The following FRMD5 variants were observed in gnomAD, a reference collection of about 807,000 sequenced individuals.
FRMD5 encodes FERM domain-containing protein 5.
Under a neutral mutation model 69.0 loss-of-function variants are expected in FRMD5, and 20 were observed. The observed-to-expected ratio is 0.29, with a 90% CI of 0.20 to 0.42. The LOEUF (loss-of-function observed/expected upper bound fraction) is 0.42, where lower values mean the gene tolerates loss of function less well. FRMD5 is among the 10% of genes least tolerant of loss of function. The probability of loss-of-function intolerance (pLI) is 1.00; values close to 1 mark genes in which losing one functional copy is unlikely to be tolerated. For synonymous variants in FRMD5, 271 were observed against 260.1 expected (o/e 1.04, Z -0.40); for missense variants, 595 against 708.6 (o/e 0.84, Z 1.82).
intron 1 of FRMD5, among the ~76,000 whole-genome samples, chr15:44,026,732 G>A (rs1189935340): frequency 6.6e-6 from 1 of 152,084 alleles, no homozygotes; most frequent in Non-Finnish European, 1.5e-5. Flanking sequence ...ATATCAGCAG[G>A]GAAATTCCAA....
intron 1 of FRMD5, among the ~76,000 whole-genome samples, chr15:44,034,685 A>C (rs999409693): frequency 7.9e-5 from 12 of 152,064 alleles, no homozygotes; most frequent in African/African-American, 2.7e-4. Context: ...CTGTGCCCCA[A>C]CCTCCAAGTT....
At chr15:44,112,314 T>C (rs2076808292) in intron 1 of FRMD5, among the ~76,000 whole-genome samples, 1 of 152,244 alleles carries the variant, frequency 6.6e-6, no homozygotes, top group African/African-American at 2.4e-5. Context: ...GAAATCATTT[T>C]AAGAGAATAA....
At chr15:44,176,731 A>G (rs990765734) in intron 1 of FRMD5, among the ~76,000 whole-genome samples, 8 of 152,120 alleles carry the variant, frequency 5.3e-5, no homozygotes, top group African/African-American at 1.4e-4. Context: ...TTGAATAGAC[A>G]TTTCTCCCAA....
intron 1 of FRMD5, among the ~76,000 whole-genome samples, chr15:44,100,378 A>AG (rs1201533415): frequency 1.3e-5 from 2 of 151,842 alleles, no homozygotes; most frequent in African/African-American, 4.8e-5. Flanking sequence ...TCTTAATCAC[A>AG]GTTTTGCATC....
Position 44,033,438 on chromosome 15 carries a change from C to T in FRMD5, c.103-109129G>A, listed in dbSNP as rs563361925. 5.3e-5 allele frequency among the ~76,000 whole-genome samples: 8 copies of T among 152,212 alleles called. No individual in the cohort carries two copies. In the East Asian group the frequency reaches 1.5e-3, roughly 29 times the overall value. Reference sequence around the variant, plus strand: ...TTCAAACTGATAAGAGGCAAATTCTCTTTTAAGAGGCATTTCAATAAATAT... The same window carrying T: ...TTCAAACTGATAAGAGGCAAATTCTTTTTTAAGAGGCATTTCAATAAATAT... On this transcript the variant is annotated intron_variant, in intron 1 of 13. Coordinates refer to ENST00000417257, the MANE Select transcript of FRMD5 (RefSeq NM_032892.5).
intron 1 of FRMD5, among the ~76,000 whole-genome samples, chr15:44,040,992 C>CAAAAAAAAAAAAAAAAAAAAAAA (rs71421819): frequency 5.7e-5 from 1 of 17,466 alleles, no homozygotes; most frequent in African/African-American, 1.7e-4. Flanking sequence ...AAATGGAAAG[C>CAAAAAAAAAAAAAAAAAAAAAAA]AAAAAAAAAA....
chr15:44,024,219 A>ATT (rs560729463), intron 1 of FRMD5, among the ~76,000 whole-genome samples: 1 of 147,140 alleles, frequency 6.8e-6, no homozygotes, highest in Non-Finnish European at 1.5e-5. Flanking sequence ...ACTCCCTATG[A>ATT]TTTTTTTTTT....
chr15:43,932,509 G>C (rs1030607099), intron 1 of FRMD5, among the ~76,000 whole-genome samples: 2 of 152,050 alleles, frequency 1.3e-5, no homozygotes, highest in African/African-American at 4.8e-5. Context: ...TCTGTGACAG[G>C]CTCCTGACAT....
intron 1 of FRMD5, among the ~76,000 whole-genome samples, chr15:44,085,410 C>T (rs1266492347): frequency 1.3e-5 from 2 of 152,010 alleles, no homozygotes; most frequent in African/African-American, 4.8e-5. Context: ...ATATAGCAAA[C>T]ATTTTTTAAA....
At chr15:44,010,766 A>T (rs549544053) in intron 1 of FRMD5, among the ~76,000 whole-genome samples, 4 of 152,346 alleles carry the variant, frequency 2.6e-5, no homozygotes, top group Admixed American at 6.5e-5. Flanking sequence ...GAAAACAGAA[A>T]GGAAGTTAAA....
chr15:44,092,056 G>A (rs1419008565), intron 1 of FRMD5, among the ~76,000 whole-genome samples: 1 of 152,078 alleles, frequency 6.6e-6, no homozygotes, highest in African/African-American at 2.4e-5. Context: ...AAAAAGCAAG[G>A]GGAATAACTG....
intron 1 of FRMD5, among the ~76,000 whole-genome samples, chr15:43,961,988 C>G (rs542611713): frequency 2.6e-5 from 4 of 152,300 alleles, no homozygotes; most frequent in South Asian, 4.1e-4. Flanking sequence ...CCTTTGAAAA[C>G]TGGCATAAGA....
intron 1 of FRMD5, among the ~76,000 whole-genome samples, chr15:44,096,896 T>C (rs754099401): frequency 9.2e-5 from 14 of 152,094 alleles, no homozygotes; most frequent in Non-Finnish European, 1.9e-4. Flanking sequence ...AAGGAGACAG[T>C]GATAAGCAGG....
At chr15:44,028,430 C>T (rs141082066) in intron 1 of FRMD5, among the ~76,000 whole-genome samples, 57 of 152,314 alleles carry the variant, frequency 3.7e-4, no homozygotes, top group African/African-American at 1.3e-3. Flanking sequence ...AAATCAAAGG[C>T]CAAGTGCCCA....
chr15:44,097,602 A>C (rs913862970), intron 1 of FRMD5, among the ~76,000 whole-genome samples: 1 of 152,240 alleles, frequency 6.6e-6, no homozygotes, highest in African/African-American at 2.4e-5. Flanking sequence ...ATAATATGTT[A>C]CAGTGTATAA....
intron 1 of FRMD5, among the ~76,000 whole-genome samples, chr15:44,049,524 T>C (rs890596855): frequency 2.0e-5 from 3 of 152,054 alleles, no homozygotes. Flanking sequence ...TTTGTTGAGA[T>C]GTAAAAATGG....
intron 1 of FRMD5, chr15:43,989,545 C>T: frequency 1.1e-6 from 1 of 890,886 alleles, no homozygotes; most frequent in Non-Finnish European, 1.9e-6. Context: ...ACAGCTTCTC[C>T]TTGATGTCAT....
At chr15:43,903,933 G>A (rs2089108135) in intron 6 of FRMD5, among the ~76,000 whole-genome samples, 1 of 152,198 alleles carries the variant, frequency 6.6e-6, no homozygotes, top group African/African-American at 2.4e-5. Context: ...CAACACCACA[G>A]GCCCGTGTTT....
intron 1 of FRMD5, among the ~76,000 whole-genome samples, chr15:44,097,809 A>C (rs994571950): frequency 6.6e-6 from 1 of 152,174 alleles, no homozygotes; most frequent in Non-Finnish European, 1.5e-5. Context: ...ATTGATTTCA[A>C]CTTGTTCTTG....
Sources: allele counts gnomAD v4.1 joint callset (sites outside exome capture counted in the v4.1 genomes callset), GRCh38; gene constraint gnomAD v4.1.1; transcripts MANE v1.5; gene names NCBI Gene and HGNC (gene_info 2026-07-23, HGNC 2026-07-21).